The following CSMD1 variants were observed in gnomAD, a reference collection of about 807,000 sequenced individuals.
CSMD1 encodes the protein CUB and Sushi multiple domains 1, also known as CUB and sushi domain-containing protein 1.
A neutral mutation model predicts 417.5 loss-of-function variants in CSMD1; 213 were observed. The observed-to-expected ratio is 0.51, with a 90% confidence interval of 0.46 to 0.57. CSMD1 has a LOEUF of 0.57. Among genes scored for constraint, CSMD1 ranks in the 20% least tolerant of loss-of-function variants. CSMD1 has a pLI of 0.00. For missense variants in CSMD1, 6,923 were observed against 4,529.7 expected (o/e 1.53, Z -15.17); for synonymous variants, 2,862 against 1,736.8 (o/e 1.65, Z -16.11).
chr8:4,762,181 C>A (rs979684108), intron 1 of CSMD1, among the ~76,000 whole-genome samples: 1 of 151,912 alleles, frequency 6.6e-6, no homozygotes, highest in Non-Finnish European at 1.5e-5. Context: ...ACCAAAATAT[C>A]TCGTATATTT....
At chr8:3,824,213 T>C (rs1438760179) in intron 5 of CSMD1, among the ~76,000 whole-genome samples, 1 of 152,026 alleles carries the variant, frequency 6.6e-6, no homozygotes, top group Non-Finnish European at 1.5e-5. Flanking sequence ...GACAGAGTTG[T>C]TGATTTATCT....
chr8:3,023,039 G>T (rs1809569996), intron 51 of CSMD1, among the ~76,000 whole-genome samples: 1 of 152,242 alleles, frequency 6.6e-6, no homozygotes, highest in East Asian at 1.9e-4. Context: ...AAATTCAACT[G>T]CAGGTAGTCC....
chr8:3,772,700 T>TAC (rs1294304401), intron 5 of CSMD1, among the ~76,000 whole-genome samples: 10 of 148,482 alleles, frequency 6.7e-5, no homozygotes, highest in East Asian at 2.0e-4. Flanking sequence ...TACAAATATA[T>TAC]ACACACACAC....
At chr8:3,855,036 C>G (rs952441301) in intron 5 of CSMD1, among the ~76,000 whole-genome samples, 3 of 152,114 alleles carry the variant, frequency 2.0e-5, no homozygotes, top group Admixed American at 2.0e-4. Context: ...CAAAAACATG[C>G]ATATGCAGAG....
At chr8:3,961,679 C>A (rs553637470) in intron 5 of CSMD1, among the ~76,000 whole-genome samples, 13 of 152,182 alleles carry the variant, frequency 8.5e-5, no homozygotes, top group African/African-American at 2.9e-4. Context: ...AAAGTGAAAG[C>A]AAACTTCAAA....
At chr8:4,460,400 A>C (rs1304170208) in intron 2 of CSMD1, among the ~76,000 whole-genome samples, 1 of 152,166 alleles carries the variant, frequency 6.6e-6, no homozygotes, top group Non-Finnish European at 1.5e-5. Flanking sequence ...TTACATAAAT[A>C]GCCTCACCTT....
At chr8:4,205,482 A>G (rs1231304266) in intron 3 of CSMD1, among the ~76,000 whole-genome samples, 3 of 152,224 alleles carry the variant, frequency 2.0e-5, no homozygotes, top group Non-Finnish European at 4.4e-5. Flanking sequence ...ATTTAGTTCT[A>G]CAAACAAGCC....
intron 3 of CSMD1, among the ~76,000 whole-genome samples, chr8:4,052,078 T>A (rs113199589): frequency 7.9e-5 from 12 of 152,086 alleles, no homozygotes; most frequent in African/African-American, 2.9e-4. Flanking sequence ...CGGGACTAAA[T>A]ACCCAGCTAA....
rs11989485 is a variant in CSMD1, at chr8:4,399,346, A to T, written c.415+20607T>A. Among the ~76,000 whole-genome samples, 951 of 152,346 alleles carry T rather than the reference A, an allele frequency of 6.2e-3. 8 individuals are homozygous for T. Among genetic ancestry groups the T allele is most frequent in the South Asian group, 0.022 (107 of 4,828 alleles). ...AATTTAAACAATACACCATATAGTGAAGTACTAAATTACAGAATAAAATAA... is the reference window on the plus strand; with the variant it reads ...AATTTAAACAATACACCATATAGTGTAGTACTAAATTACAGAATAAAATAA... On this transcript the variant is annotated intron_variant, in intron 3 of 69. Coordinates refer to ENST00000635120, the MANE Select transcript of CSMD1 (RefSeq NM_033225.6).
chr8:4,790,618 T>A (rs770348433), intron 1 of CSMD1, among the ~76,000 whole-genome samples: 1 of 152,148 alleles, frequency 6.6e-6, no homozygotes, highest in Non-Finnish European at 1.5e-5. Flanking sequence ...AGCACGGTAC[T>A]GGTACAAAAG....
intron 3 of CSMD1, among the ~76,000 whole-genome samples, chr8:4,080,002 TG>T (rs1800043087): frequency 6.8e-6 from 1 of 147,994 alleles, no homozygotes. Flanking sequence ...CGAATATTGG[TG>T]TTTTTTTTTT....
At chr8:4,709,020 G>A (rs1286724628) in intron 1 of CSMD1, among the ~76,000 whole-genome samples, 2 of 152,134 alleles carry the variant, frequency 1.3e-5, no homozygotes, top group African/African-American at 4.8e-5. Flanking sequence ...CAAAATAAAT[G>A]TCTATTGCTG....
chr8:4,722,966 G>A (rs1289923769), intron 1 of CSMD1, among the ~76,000 whole-genome samples: 1 of 152,090 alleles, frequency 6.6e-6, no homozygotes, highest in African/African-American at 2.4e-5. Context: ...TCAGCTTAGA[G>A]TGCTAAGGTA....
chr8:4,447,706 T>G (rs932951128), intron 2 of CSMD1, among the ~76,000 whole-genome samples: 1 of 152,162 alleles, frequency 6.6e-6, no homozygotes, highest in Non-Finnish European at 1.5e-5. Flanking sequence ...AGTGCACTCA[T>G]AGTTAATAAA....
rs1818561593 is a variant in CSMD1, at chr8:3,142,464, C to T, written c.6241+1G>A. ...TTTCGGTTCTCGTTGTTGTTCCATA[C>T]CTTGGTAAGCAAGTTTAAATCCTTG... On this transcript the variant is annotated splice_donor_variant, in intron 41 of 69. Transcript: ENST00000635120. LOFTEE classifies it high-confidence loss of function. The T allele has an allele frequency of 6.2e-7, 1 of 1,611,900 alleles. No individual in the cohort carries two copies. Among genetic ancestry groups the T allele is most frequent in the Non-Finnish European group, 8.5e-7 (1 of 1,178,780 alleles).
intron 7 of CSMD1, among the ~76,000 whole-genome samples, chr8:3,704,045 T>C (rs1801024360): frequency 6.6e-6 from 1 of 152,160 alleles, no homozygotes; most frequent in Non-Finnish European, 1.5e-5. Flanking sequence ...CACTCCAACC[T>C]GGGTGTCAGA....
chr8:3,854,927 A>G (rs1391844601), intron 5 of CSMD1, among the ~76,000 whole-genome samples: 2 of 152,144 alleles, frequency 1.3e-5, no homozygotes, highest in East Asian at 3.9e-4. Flanking sequence ...ACATGTAACA[A>G]TGTTGAGAAC....
At chr8:4,283,811 C>A (rs537281865) in intron 3 of CSMD1, among the ~76,000 whole-genome samples, 2 of 152,196 alleles carry the variant, frequency 1.3e-5, no homozygotes. Flanking sequence ...GCTTTACCCA[C>A]CTATAAAATC....
intron 26 of CSMD1, among the ~76,000 whole-genome samples, chr8:3,232,802 T>C (rs1013176977): frequency 6.6e-6 from 1 of 152,186 alleles, no homozygotes; most frequent in African/African-American, 2.4e-5. Context: ...TTCATACTAA[T>C]TAATTTTTTC....
Sources: allele counts gnomAD v4.1 joint callset (sites outside exome capture counted in the v4.1 genomes callset), GRCh38; gene constraint gnomAD v4.1.1; transcripts MANE v1.5; gene names NCBI Gene and HGNC (gene_info 2026-07-23, HGNC 2026-07-21).